The following GRM8 variants were observed in gnomAD, a reference collection of about 807,000 sequenced individuals.
GRM8 encodes glutamate metabotropic receptor 8.
Under a neutral mutation model 87.2 loss-of-function variants are expected in GRM8, and 47 were observed. The observed-to-expected ratio is 0.54, with a 90% CI of 0.43 to 0.69. The LOEUF is 0.69. GRM8 is among the 30% of genes least tolerant of loss of function. The pLI is 0.00. For missense variants in GRM8, 1,019 were observed against 1,139.2 expected (o/e 0.89, Z 1.52); for synonymous variants, 396 against 404.5 (o/e 0.98, Z 0.25).
At chr7:127,170,715 G>GT (rs1172188882) in intron 2 of GRM8, among the ~76,000 whole-genome samples, 2 of 152,174 alleles carry the variant, frequency 1.3e-5, no homozygotes, top group African/African-American at 4.8e-5. Flanking sequence ...CTGGAGACCA[G>GT]TAGTCTAAGT....
intron 6 of GRM8, among the ~76,000 whole-genome samples, chr7:126,818,229 C>T (rs1207689707): frequency 2.0e-5 from 3 of 152,052 alleles, no homozygotes; most frequent in African/African-American, 7.2e-5. Flanking sequence ...CTCATTTGTA[C>T]CAGTCAAACA....
At chr7:127,157,384 T>C (rs1289022970) in intron 2 of GRM8, among the ~76,000 whole-genome samples, 2 of 152,098 alleles carry the variant, frequency 1.3e-5, no homozygotes, top group East Asian at 1.9e-4. Context: ...ATGAATCACT[T>C]TGGCAATCTG....
At chr7:126,999,219 T>C (rs1272736881) in intron 3 of GRM8, among the ~76,000 whole-genome samples, 1 of 151,846 alleles carries the variant, frequency 6.6e-6, no homozygotes, top group Non-Finnish European at 1.5e-5. Context: ...CCCTATCTCT[T>C]GCTATATGCA....
chr7:127,243,597 TA>T (rs139071356), intron 1 of GRM8, 82 bp from the exon 2 acceptor site: 6,535 of 165,284 alleles, frequency 0.04, 151 homozygotes, highest in African/African-American at 0.059. Context: ...GCCAGCCTCT[TA>T]AAAAAAAAAT....
chr7:126,617,058 G>A (rs928988821), intron 7 of GRM8, among the ~76,000 whole-genome samples: 2 of 152,124 alleles, frequency 1.3e-5, no homozygotes, highest in African/African-American at 4.8e-5. Flanking sequence ...CCAAAGCCTG[G>A]CAGAGACACA....
At chr7:126,768,106 T>C (rs1197305739) in intron 7 of GRM8, among the ~76,000 whole-genome samples, 1 of 152,024 alleles carries the variant, frequency 6.6e-6, no homozygotes, top group African/African-American at 2.4e-5. Flanking sequence ...TCCCTTCAGA[T>C]TTCATCTGTT....
chr7:126,950,552 G>T (rs1017250743), intron 3 of GRM8, among the ~76,000 whole-genome samples: 1 of 151,814 alleles, frequency 6.6e-6, no homozygotes, highest in Non-Finnish European at 1.5e-5. Context: ...AATTCCAAGT[G>T]TTTTCAATTG....
At chr7:126,617,145 A>T (rs182642445) in intron 7 of GRM8, among the ~76,000 whole-genome samples, 14 of 152,292 alleles carry the variant, frequency 9.2e-5, no homozygotes, top group African/African-American at 3.1e-4. Context: ...CTGGCAAACC[A>T]AATCCAGAAG....
At chr7:126,677,560 A>G (rs939424682) in intron 7 of GRM8, among the ~76,000 whole-genome samples, 3 of 152,150 alleles carry the variant, frequency 2.0e-5, no homozygotes, top group African/African-American at 7.2e-5. Context: ...AGCAACTTGG[A>G]TGGAACTATA....
chr7:127,188,992 T>A (rs1379740026), intron 2 of GRM8, among the ~76,000 whole-genome samples: 2 of 152,200 alleles, frequency 1.3e-5, no homozygotes, highest in Non-Finnish European at 2.9e-5. Context: ...CCCAGCTTCT[T>A]CTATTGTATC....
At chr7:127,232,578 A>C (rs1228634491) in intron 2 of GRM8, among the ~76,000 whole-genome samples, 1 of 152,148 alleles carries the variant, frequency 6.6e-6, no homozygotes, top group Admixed American at 6.5e-5. Context: ...ACCAATGACT[A>C]TACCTTTAAT....
At chr7:127,250,273 T>C (rs1204755411) in intron 1 of GRM8, among the ~76,000 whole-genome samples, 1 of 152,242 alleles carries the variant, frequency 6.6e-6, no homozygotes, top group Non-Finnish European at 1.5e-5. Flanking sequence ...TCTCCTGCAC[T>C]CACTGGAGCT....
intron 3 of GRM8, among the ~76,000 whole-genome samples, chr7:126,931,388 G>T (rs1309285459): frequency 1.3e-5 from 2 of 152,142 alleles, no homozygotes; most frequent in Non-Finnish European, 2.9e-5. Context: ...GCATGCTTTT[G>T]CATGTTTAGT....
At chr7:127,079,972 C>T (rs1320691471) in intron 3 of GRM8, among the ~76,000 whole-genome samples, 2 of 152,104 alleles carry the variant, frequency 1.3e-5, no homozygotes, top group African/African-American at 4.8e-5. Flanking sequence ...CACAGAAAAA[C>T]AGCCCCATAA....
At chr7:126,814,571 C>A (rs1487348015) in intron 6 of GRM8, among the ~76,000 whole-genome samples, 1 of 152,030 alleles carries the variant, frequency 6.6e-6, no homozygotes, top group Non-Finnish European at 1.5e-5. Flanking sequence ...GGACAGTAGA[C>A]AGCTTGCACC....
At chr7:127,120,197 T>G (rs980653982) in intron 2 of GRM8, among the ~76,000 whole-genome samples, 1 of 152,244 alleles carries the variant, frequency 6.6e-6, no homozygotes, top group African/African-American at 2.4e-5. Context: ...CATCTATGCA[T>G]GGCTTTGGTC....
intron 7 of GRM8, among the ~76,000 whole-genome samples, chr7:126,623,184 A>G (rs1488377589): frequency 6.6e-6 from 1 of 152,174 alleles, no homozygotes; most frequent in African/African-American, 2.4e-5. Flanking sequence ...CATGTACCAC[A>G]TTCATACAAG....
rs190864711 is a variant in GRM8, at chr7:126,884,355, A to G, written c.1156+18187T>C. Among the ~76,000 whole-genome samples, 1,094 of 152,280 alleles carry G rather than the reference A, an allele frequency of 7.2e-3. 15 individuals are homozygous for G. Among genetic ancestry groups the G allele is most frequent in the African/African-American group, 0.025 (1,026 of 41,572 alleles). On this transcript the variant is annotated intron_variant, in intron 6 of 10. Coordinates refer to ENST00000339582, the MANE Select transcript of GRM8 (RefSeq NM_000845.3). ...GCATAAACCTTTGTCAAAGATAGAA[A>G]TGTTTATATGGGAGTTCTGTGGCTA...
chr7:126,745,697 A>G (rs1815583597), intron 7 of GRM8, among the ~76,000 whole-genome samples: 1 of 151,280 alleles, frequency 6.6e-6, no homozygotes, highest in Non-Finnish European at 1.5e-5. Context: ...ATTCTTTTCT[A>G]TTCTGTTCCA....
Sources: gnomAD v4.1 joint callset for allele counts (sites outside exome capture counted in the v4.1 genomes callset) on GRCh38, gnomAD v4.1.1 for gene constraint, MANE v1.5 for transcripts, NCBI Gene and HGNC (gene_info 2026-07-23, HGNC 2026-07-21) for gene names.